The following MACROD1 variants were observed in gnomAD, a reference collection of about 807,000 sequenced individuals.
MACROD1 encodes the protein mono-ADP ribosylhydrolase 1, also known as ADP-ribose glycohydrolase MACROD1.
In MACROD1, 31 loss-of-function variants were observed where a neutral mutation model predicts 41.4. The ratio of observed to expected loss-of-function variants is 0.75; its 90% CI spans 0.56 to 1.01. The LOEUF is 1.01. MACROD1 is among the 50% of genes least tolerant of loss of function. The probability of loss-of-function intolerance (pLI) is 0.00; values close to 1 mark genes in which losing one functional copy is unlikely to be tolerated. For missense variants in MACROD1, 473 were observed against 460.0 expected, an observed-to-expected ratio of 1.03 and a Z score of -0.26; for synonymous variants, 252 against 203.4, an observed-to-expected ratio of 1.24 and a Z score of -2.03.
chr11:64,096,569 T>A lies in MACROD1; in HGVS notation c.517+54670A>T, dbSNP rs1354670151. Among the ~76,000 whole-genome samples, 1 of 151,686 alleles carries A rather than the reference T, an allele frequency of 6.6e-6. No homozygotes were observed. Among genetic ancestry groups the A allele is most frequent in the African/African-American group, 2.4e-5 (1 of 41,280 alleles). On this transcript the variant is annotated intron_variant, in intron 3 of 10. Transcript: ENST00000255681. This position sits in a 1 kb window ranked among gnomAD's most constrained non-coding sequence, Gnocchi z 4.6. ...TAGCTGGGATTACAGGCGCCTGCCATCACGCCCAGCTAATTTTTTTATTTT... is the reference window on the plus strand; with the variant it reads ...TAGCTGGGATTACAGGCGCCTGCCAACACGCCCAGCTAATTTTTTTATTTT...
At chr11:64,010,237 G>C (rs1168690528) in intron 4 of MACROD1, among the ~76,000 whole-genome samples, 1 of 150,608 alleles carries the variant, frequency 6.6e-6, no homozygotes, top group African/African-American at 2.4e-5. Context: ...GTGTTAGCTG[G>C]GGTGTTGGTT....
intron 3 of MACROD1, among the ~76,000 whole-genome samples, chr11:64,141,228 C>T (rs937142206): frequency 1.1e-4 from 17 of 152,194 alleles, no homozygotes; most frequent in African/African-American, 3.6e-4. Context: ...ACTGTTAATC[C>T]TGCTATGTCC....
chr11:64,032,043 G>A (rs371719615), intron 3 of MACROD1, among the ~76,000 whole-genome samples: 1 of 152,166 alleles, frequency 6.6e-6, no homozygotes, highest in Admixed American at 6.5e-5. Flanking sequence ...CACTGCCCTG[G>A]GATGGCTTCA....
At chr11:64,010,997 G>C (rs1191735885) in intron 4 of MACROD1, among the ~76,000 whole-genome samples, 2 of 146,430 alleles carry the variant, frequency 1.4e-5, no homozygotes, top group Non-Finnish European at 3.0e-5. Flanking sequence ...TGTTGGTTGG[G>C]ATGTTGGCTG....
chr11:64,104,499 G>A (rs1158658386), intron 3 of MACROD1, among the ~76,000 whole-genome samples: 1 of 152,130 alleles, frequency 6.6e-6, no homozygotes, highest in Non-Finnish European at 1.5e-5. Context: ...GCAGCAGGGT[G>A]GAGGAATCTC....
intron 3 of MACROD1, among the ~76,000 whole-genome samples, chr11:64,109,907 T>A (rs933023246): frequency 3.3e-5 from 5 of 152,030 alleles, no homozygotes; most frequent in Middle Eastern, 3.2e-3. Context: ...AACGGGCCAC[T>A]GGAGCGCGGA....
intron 4 of MACROD1, 46 bp from the exon 5 acceptor site, chr11:64,000,389 G>T: frequency 1.5e-6 from 2 of 1,298,224 alleles, no homozygotes; most frequent in Non-Finnish European, 2.1e-6. Flanking sequence ...CAAGGCTGCG[G>T]CCCCGGGGTG....
At chr11:64,019,966 C>T (rs1337693188) in intron 3 of MACROD1, among the ~76,000 whole-genome samples, 1 of 152,180 alleles carries the variant, frequency 6.6e-6, no homozygotes, top group Non-Finnish European at 1.5e-5. Context: ...GCGCCAGCCT[C>T]CTAGGGCCCA....
intron 3 of MACROD1, among the ~76,000 whole-genome samples, chr11:64,066,971 A>T (rs940384640): frequency 6.6e-6 from 1 of 152,174 alleles, no homozygotes; most frequent in Non-Finnish European, 1.5e-5. Context: ...GGTCACACAG[A>T]GCCCAGCTGG....
chr11:64,139,731 C>T lies in MACROD1; in HGVS notation c.517+11508G>A, dbSNP rs541424971. On this transcript the variant is annotated intron_variant, in intron 3 of 10. Transcript: ENST00000255681. ...CAGCACTTTAGGAGGTGGAGGCGGG[C>T]GGATCACGAGGTCAGGAGATCAAGA... is the stretch of plus-strand genomic sequence containing the variant. Among the ~76,000 whole-genome samples, 692 of 151,430 alleles carry T rather than the reference C, an allele frequency of 4.6e-3. 2 individuals are homozygous for T. The highest frequency in any genetic ancestry group is 7.5e-3 in the Non-Finnish European group (508 of 67,820).
At chr11:64,085,492 AGCTG>A (rs1944378210) in intron 3 of MACROD1, among the ~76,000 whole-genome samples, 1 of 152,220 alleles carries the variant, frequency 6.6e-6, no homozygotes, top group Admixed American at 6.5e-5. Context: ...CGGCCGGCTT[AGCTG>A]GCTGGGATTG....
Position 64,089,141 on chromosome 11 carries a change from T to C in MACROD1, c.517+62098A>G, listed in dbSNP as rs547568130. Among the ~76,000 whole-genome samples, 3 of 152,298 alleles carry C rather than the reference T, an allele frequency of 2.0e-5. No homozygotes were observed. The East Asian group carries it at 5.8e-4, about 29-fold the overall frequency. On this transcript the variant is annotated intron_variant, in intron 3 of 10. Coordinates refer to ENST00000255681, the MANE Select transcript of MACROD1 (RefSeq NM_014067.4). ...AGGCAGGAGCCCAGGAGCCCGCTGGTGACCAGCAGCCTTCCAGGCACAGGG... is the reference window on the plus strand; with the variant it reads ...AGGCAGGAGCCCAGGAGCCCGCTGGCGACCAGCAGCCTTCCAGGCACAGGG...
At chr11:64,157,811 G>T (rs1181833132) in intron 1 of MACROD1, among the ~76,000 whole-genome samples, 1 of 152,210 alleles carries the variant, frequency 6.6e-6, no homozygotes, top group African/African-American at 2.4e-5. Flanking sequence ...AATGCCAGGT[G>T]GGCAGGGCTG....
intron 3 of MACROD1, among the ~76,000 whole-genome samples, chr11:64,037,114 T>A (rs931787507): frequency 6.6e-6 from 1 of 151,934 alleles, no homozygotes; most frequent in Non-Finnish European, 1.5e-5. Flanking sequence ...AGAGCTCTGA[T>A]GTGAATAAAT....
chr11:64,123,405 C>G (rs944238649), intron 3 of MACROD1, among the ~76,000 whole-genome samples: 1 of 152,160 alleles, frequency 6.6e-6, no homozygotes, highest in African/African-American at 2.4e-5. Flanking sequence ...TACAACCAAG[C>G]AAGTCTGCTA....
At chr11:64,119,026 G>C (rs1159979638) in intron 3 of MACROD1, 2 of 167,148 alleles carry the variant, frequency 1.2e-5, no homozygotes, top group African/African-American at 4.8e-5. Context: ...AGCTTTCCCT[G>C]CCACCTGGAG....
At chr11:64,088,521 C>A (rs1944434885) in intron 3 of MACROD1, among the ~76,000 whole-genome samples, 1 of 152,214 alleles carries the variant, frequency 6.6e-6, no homozygotes, top group Non-Finnish European at 1.5e-5. Flanking sequence ...ACGGCAGAGG[C>A]TGACTCTCCT....
chr11:64,037,559 A>G (rs1399871367), intron 3 of MACROD1, among the ~76,000 whole-genome samples: 4 of 152,152 alleles, frequency 2.6e-5, no homozygotes, highest in Non-Finnish European at 5.9e-5. Flanking sequence ...TAGCTGGGCC[A>G]GCAGTGAGGG....
chr11:64,000,466 G>A (rs941984737), intron 4 of MACROD1, 123 bp from the exon 5 acceptor site: 7 of 561,946 alleles, frequency 1.2e-5, no homozygotes, highest in African/African-American at 9.9e-5. Context: ...CCCCAACCCC[G>A]TGGCCTCCGG....
Sources: gnomAD v4.1 joint callset for allele counts (sites outside exome capture counted in the v4.1 genomes callset) on GRCh38, gnomAD v4.1.1 for gene constraint, Gnocchi (gnomAD v3.1) non-coding constraint, MANE v1.5 for transcripts, NCBI Gene and HGNC (gene_info 2026-07-23, HGNC 2026-07-21) for gene names.